Variants in H2BC18 observed in about 807,000 individuals in gnomAD.
The protein encoded by H2BC18 is H2B clustered histone 18, also known as histone H2B type 2-F.
Under a neutral mutation model 6.3 loss-of-function variants are expected in H2BC18, and 8 were observed. That is an observed-to-expected ratio of 1.28 (90% CI 0.75 to 2.31). H2BC18 has a LOEUF of 2.31. H2BC18 is among the 30% of genes most tolerant of loss of function. The pLI, the probability that H2BC18 is intolerant of heterozygous loss-of-function variation, is 0.00. For missense variants in H2BC18, 106 were observed against 174.5 expected (o/e 0.61, Z 2.21); for synonymous variants, 104 against 78.1 (o/e 1.33, Z -1.75).
At position 149,793,046 on chromosome 1, in the gene H2BC18, C is replaced by T. The variant is rs782500533; in HGVS notation, c.378-9786G>A. Reference sequence around the variant, plus strand: ...CCCGGGCCCGCCAGCTCCCGGGCCCCGGCGCGGCGCCACCTGGCGGCCGTC... The same window carrying T: ...CCCGGGCCCGCCAGCTCCCGGGCCCTGGCGCGGCGCCACCTGGCGGCCGTC... On this transcript the variant is annotated intron_variant, in intron 1 of 1. Transcript: ENST00000545683. The T allele has an allele frequency of 2.6e-5, 33 of 1,260,688 alleles. No homozygotes were observed. The South Asian group carries it at 2.8e-4, about 11-fold the overall frequency. 78.1% of individuals were successfully genotyped at this position (1,260,688 alleles called of 1,614,324 possible).
At chr1:149,792,743 A>G (rs782469404) in intron 1 of H2BC18, 2 of 1,283,914 alleles carry the variant, frequency 1.6e-6, no homozygotes, top group South Asian at 2.5e-5. Context: ...GCCCCCGCCA[A>G]AACCCAGTGA....
chr1:149,812,265 G>C lies in H2BC18; in HGVS notation c.59C>G (p.Thr20Arg), dbSNP rs782159989. 13 of 1,614,230 alleles carry C rather than the reference G, an allele frequency of 8.1e-6. No individual in the cohort carries two copies. The highest frequency in any genetic ancestry group is 1.6e-4 in the Middle Eastern group (1 of 6,062). ...CTTGCCGTCCTTCTTCTGCACTTTC[G>C]TAACAGCCTTTTTGGAGCCCTTCTT... ...APKKGSKKAV[T>R]KVQKKDGKKR... Residue 20 changes from threonine (T) to arginine (R), a missense_variant, in exon 1 of 1, where the codon ACG becomes AGG. Transcript: ENST00000369167.
At chr1:149,799,186 GAA>G (rs1559752152) in intron 1 of H2BC18, among the ~76,000 whole-genome samples, 1 of 140,546 alleles carries the variant, frequency 7.1e-6, no homozygotes, top group Non-Finnish European at 1.5e-5. Context: ...ATAGAATTCT[GAA>G]AAGTCACCCA....
downstream of H2BC18, among the ~76,000 whole-genome samples, chr1:149,809,746 A>G (rs1378569287): frequency 1.3e-5 from 2 of 148,610 alleles, no homozygotes; most frequent in East Asian, 3.8e-4. Flanking sequence ...CTTAAGAGAA[A>G]GACTTCCCTG....
chr1:149,785,408 G>T (rs1509896), intron 1 of H2BC18, among the ~76,000 whole-genome samples: 6,491 of 67,190 alleles, frequency 0.097, 710 homozygotes, highest in African/African-American at 0.18. Flanking sequence ...GAGCTGTTTC[G>T]TTTTTTTTTT....
intron 1 of H2BC18, among the ~76,000 whole-genome samples, chr1:149,795,775 CTCTG>C (rs1232010620): frequency 1.3e-5 from 2 of 151,322 alleles, no homozygotes; most frequent in South Asian, 2.1e-4. Context: ...AAAAACCCCA[CTCTG>C]TCTTTGTTCA....
chr1:149,804,385 G>A (rs2091899499), intron 1 of H2BC18, among the ~76,000 whole-genome samples: 1 of 152,176 alleles, frequency 6.6e-6, no homozygotes. Context: ...GGGCCACATA[G>A]CAGACACTGA....
At chr1:149,785,713 A>C (rs1553750770) in intron 1 of H2BC18, 1 of 152,120 alleles carries the variant, frequency 6.6e-6, no homozygotes, top group East Asian at 1.9e-4. Flanking sequence ...ACTTATGTAC[A>C]ACAAGCCATA....
intron 1 of H2BC18, chr1:149,786,799 T>C (rs1160103050): frequency 6.6e-6 from 1 of 152,238 alleles, no homozygotes; most frequent in Non-Finnish European, 1.5e-5. Context: ...TAGATGTTTT[T>C]TGGAGGGTAG....
intron 1 of H2BC18, among the ~76,000 whole-genome samples, chr1:149,800,175 A>G (rs1325070318): frequency 6.6e-6 from 1 of 152,192 alleles, no homozygotes; most frequent in Admixed American, 6.5e-5. Context: ...AAAAATACAG[A>G]TGAAAAGATG....
intron 1 of H2BC18, chr1:149,805,184 A>G (rs1213803517): frequency 6.6e-6 from 1 of 151,990 alleles, no homozygotes; most frequent in African/African-American, 2.4e-5. Flanking sequence ...AGCAGATTAG[A>G]TATTAGCCTT....
chr1:149,810,813 T>C (rs2091964750), downstream of H2BC18: 1 of 152,108 alleles, frequency 6.6e-6, no homozygotes, highest in Admixed American at 6.5e-5. Flanking sequence ...CCAACACCTA[T>C]TAAAACATCC....
intron 1 of H2BC18, chr1:149,792,965 A>C (rs1553752275): frequency 3.1e-6 from 4 of 1,275,466 alleles, no homozygotes; most frequent in Non-Finnish European, 1.0e-6. Flanking sequence ...GAAGTTCGGT[A>C]GTCTGCGAGG....
chr1:149,795,941 A>G (rs1414615881), intron 1 of H2BC18, among the ~76,000 whole-genome samples: 1 of 151,176 alleles, frequency 6.6e-6, no homozygotes, highest in Non-Finnish European at 1.5e-5. Flanking sequence ...AGACACATAT[A>G]CATTAAGCTT....
At chr1:149,803,031 AAAC>A (rs2091888538) in intron 1 of H2BC18, among the ~76,000 whole-genome samples, 1 of 152,208 alleles carries the variant, frequency 6.6e-6, no homozygotes, top group South Asian at 2.1e-4. Flanking sequence ...ACACACCCAG[AAAC>A]AATACTTAGC....
chr1:149,810,587 T>G (rs2091962869), downstream of H2BC18: 1 of 151,906 alleles, frequency 6.6e-6, no homozygotes, highest in African/African-American at 2.4e-5. Context: ...GGGTATATTT[T>G]ATTTGGCAAA....
chr1:149,801,321 TG>T (rs1171329898), intron 1 of H2BC18, among the ~76,000 whole-genome samples: 1 of 151,014 alleles, frequency 6.6e-6, no homozygotes, highest in Non-Finnish European at 1.5e-5. Flanking sequence ...TCTAGGAATT[TG>T]GGGTGGAATA....
Position 149,784,719 on chromosome 1 carries a change from T to C in H2BC18, c.378-1459A>G, listed in dbSNP as rs2260130. On this transcript the variant is annotated intron_variant, in intron 1 of 1. Transcript: ENST00000545683. The stretch of plus-strand genomic sequence containing the variant: ...TATAAACTATATATATATATATATA[T>C]ACACACATATATATAGTTTTAAAGC... 1.2e-3 allele frequency among the ~76,000 whole-genome samples: 159 copies of C among 129,430 alleles called. 1 individual carries two copies. The highest frequency in any genetic ancestry group is 1.9e-3 in the African/African-American group (66 of 35,436). The allele number at this position is 129,430 out of a possible 152,430, so 84.9% of individuals were successfully genotyped here.
intron 1 of H2BC18, among the ~76,000 whole-genome samples, chr1:149,797,381 ACAT>A (rs1473146171): frequency 3.9e-5 from 6 of 152,142 alleles, no homozygotes; most frequent in African/African-American, 1.4e-4. Flanking sequence ...TCAAAAATAC[ACAT>A]CATTTTAATA....
Sources: allele counts gnomAD v4.1 joint callset (sites outside exome capture counted in the v4.1 genomes callset), GRCh38; gene constraint gnomAD v4.1.1; transcripts MANE v1.5; gene names NCBI Gene and HGNC (gene_info 2026-07-23, HGNC 2026-07-21).